The following PI4K2B variants were observed in gnomAD, a reference collection of about 807,000 sequenced individuals.
The protein encoded by PI4K2B is phosphatidylinositol 4-kinase type 2 beta, also known as phosphatidylinositol 4-kinase type 2-beta.
In PI4K2B, 46 loss-of-function variants were observed where a neutral mutation model predicts 56.6. The ratio of observed to expected loss-of-function variants is 0.81; its 90% CI spans 0.64 to 1.04. PI4K2B has a LOEUF of 1.04. PI4K2B is among the 50% of genes least tolerant of loss of function. The pLI is 0.00. For synonymous variants in PI4K2B, 211 were observed against 223.8 expected, an observed-to-expected ratio of 0.94 and a Z score of 0.51; for missense variants, 556 against 607.7, an observed-to-expected ratio of 0.91 and a Z score of 0.89.
Position 25,277,269 on chromosome 4 carries a change from A to C in PI4K2B, c.*82A>C. ...ATAGTAATATAAATCTGCTGTTAGG[A>C]GCTCCAGTTGCTAAAACCTCAATTT... is the stretch of plus-strand genomic sequence containing the variant. On this transcript the variant is annotated 3_prime_UTR_variant, in exon 10 of 10. Transcript: ENST00000264864. The C allele has an allele frequency of 7.1e-7, 1 of 1,417,740 alleles. No homozygotes were observed. Among genetic ancestry groups the C allele is most frequent in the Middle Eastern group, 1.9e-4 (1 of 5,206 alleles). 87.8% of individuals were successfully genotyped at this position (1,417,740 alleles called of 1,614,324 possible). A position where few individuals can be genotyped will look rare whatever the true frequency, so the allele number is the denominator to read the frequency against.
At chr4:25,240,685 A>G (rs1341467441) in intron 1 of PI4K2B, among the ~76,000 whole-genome samples, 1 of 152,054 alleles carries the variant, frequency 6.6e-6, no homozygotes, top group Non-Finnish European at 1.5e-5. Context: ...ACAGAAATTT[A>G]CCCTGGCTTT....
chr4:25,260,374 A>G (rs1269891569), intron 5 of PI4K2B, 150 bp from the exon 6 acceptor site: 1 of 286,820 alleles, frequency 3.5e-6, no homozygotes. Context: ...TTTTTTTTTT[A>G]GTTTCTTTGT....
chr4:25,248,753 T>G (rs1010607091), intron 1 of PI4K2B, among the ~76,000 whole-genome samples: 2 of 150,080 alleles, frequency 1.3e-5, no homozygotes, highest in Non-Finnish European at 3.0e-5. Context: ...ATAGTAAGAA[T>G]TCAGCCTCAA....
At chr4:25,275,184 G>T (rs1717050799) in intron 9 of PI4K2B, among the ~76,000 whole-genome samples, 1 of 152,064 alleles carries the variant, frequency 6.6e-6, no homozygotes, top group Admixed American at 6.5e-5. Context: ...TACTTAAATT[G>T]GTATATTTAG....
At chr4:25,250,192 A>G (rs932357325) in intron 1 of PI4K2B, among the ~76,000 whole-genome samples, 1 of 152,198 alleles carries the variant, frequency 6.6e-6, no homozygotes, top group East Asian at 1.9e-4. Flanking sequence ...TCGGCTCCGC[A>G]TCAGAGGGAG....
At chr4:25,250,352 C>T (rs186065007) in intron 1 of PI4K2B, among the ~76,000 whole-genome samples, 1 of 152,236 alleles carries the variant, frequency 6.6e-6, no homozygotes, top group East Asian at 1.9e-4. Context: ...GAACAGAAAA[C>T]CAAACAACCA....
chr4:25,276,746 G>C lies in PI4K2B; in HGVS notation c.1273-268G>C. The C allele has an allele frequency of 2.0e-6, 2 of 985,188 alleles. 1 individual carries two copies. Among genetic ancestry groups the C allele is most frequent in the Middle Eastern group, 1.0e-3 (2 of 1,914 alleles). The allele number at this position is 985,188 out of a possible 1,614,324, so 61.0% of individuals were successfully genotyped here. On this transcript the variant is annotated intron_variant, in intron 9 of 9. Coordinates refer to ENST00000264864, the MANE Select transcript of PI4K2B (RefSeq NM_018323.4). ...TTCCATTGCTCCTGGACATAGGCAGGATATTCTAGAATATTTTAAACTTAC... is the reference window on the plus strand; with the variant it reads ...TTCCATTGCTCCTGGACATAGGCAGCATATTCTAGAATATTTTAAACTTAC...
chr4:25,272,559 T>C (rs561853668), intron 9 of PI4K2B, among the ~76,000 whole-genome samples: 2 of 151,930 alleles, frequency 1.3e-5, no homozygotes, highest in African/African-American at 4.8e-5. Flanking sequence ...CCCAGCTACT[T>C]GGGAGGCTGA....
intron 1 of PI4K2B, among the ~76,000 whole-genome samples, chr4:25,237,359 T>C (rs1440292955): frequency 4.6e-5 from 7 of 152,090 alleles, no homozygotes; most frequent in African/African-American, 7.2e-5. Context: ...TTTTTTGTTT[T>C]TGGCAGTGGG....
chr4:25,254,355 A>G (rs1716175162), intron 2 of PI4K2B: 3 of 815,718 alleles, frequency 3.7e-6, no homozygotes, highest in South Asian at 5.7e-5. Flanking sequence ...GATAGTGAAT[A>G]ATAACACTGT....
At chr4:25,245,531 C>T (rs1385732507) in intron 1 of PI4K2B, among the ~76,000 whole-genome samples, 1 of 152,300 alleles carries the variant, frequency 6.6e-6, no homozygotes, top group African/African-American at 2.4e-5. Context: ...AAAGTGGAAG[C>T]TGGTTCTAGG....
At chr4:25,239,496 G>A (rs967417024) in intron 1 of PI4K2B, among the ~76,000 whole-genome samples, 18 of 60,222 alleles carry the variant, frequency 3.0e-4, no homozygotes, top group African/African-American at 4.4e-4. Flanking sequence ...TTCACTGCCC[G>A]GGGCCGGTGG....
chr4:25,265,198 C>CAAAAAAAAAAAAAAAAAAAAAAA (rs71188933), intron 7 of PI4K2B, among the ~76,000 whole-genome samples: 1 of 65,406 alleles, frequency 1.5e-5, no homozygotes, highest in Non-Finnish European at 2.6e-5. Flanking sequence ...TCTGTCTCAC[C>CAAAAAAAAAAAAAAAAAAAAAAA]AAAAAAAAAA....
At chr4:25,255,840 G>A (rs1174680508) in intron 3 of PI4K2B, among the ~76,000 whole-genome samples, 2 of 151,470 alleles carry the variant, frequency 1.3e-5, no homozygotes, top group Non-Finnish European at 2.9e-5. Context: ...ATCCTGCTGG[G>A]CTCAGGTGAT....
intron 9 of PI4K2B, 60 bp from the exon 10 acceptor site, chr4:25,276,954 G>A (rs1057373375): frequency 3.4e-6 from 5 of 1,467,050 alleles, no homozygotes; most frequent in Admixed American, 4.5e-5. Flanking sequence ...TTTAAAAAAT[G>A]TCAGTGAAGT....
intron 4 of PI4K2B, among the ~76,000 whole-genome samples, chr4:25,257,268 C>G (rs753899223): frequency 2.6e-5 from 4 of 151,948 alleles, no homozygotes; most frequent in Admixed American, 6.6e-5. Context: ...CACCATGTTG[C>G]CTAGGCTGGT....
intron 1 of PI4K2B, among the ~76,000 whole-genome samples, chr4:25,248,152 A>ATACTTCATACATACT (rs1209292982): frequency 3.3e-5 from 5 of 152,266 alleles, no homozygotes; most frequent in African/African-American, 9.6e-5. Context: ...GATAAGTTAC[A>ATACTTCATACATACT]TACTTCATAC....
At chr4:25,236,860 G>GT (rs1166734517) in intron 1 of PI4K2B, among the ~76,000 whole-genome samples, 6 of 152,114 alleles carry the variant, frequency 3.9e-5, no homozygotes, top group Non-Finnish European at 8.8e-5. Context: ...TGTGAAAACT[G>GT]TTTAAAAAAT....
intron 1 of PI4K2B, among the ~76,000 whole-genome samples, chr4:25,237,709 A>G (rs1715325677): frequency 1.3e-5 from 2 of 152,154 alleles, no homozygotes; most frequent in Non-Finnish European, 2.9e-5. Context: ...ATGGTGGCTT[A>G]CGCCTGTAAT....
Sources: allele counts gnomAD v4.1 joint callset (sites outside exome capture counted in the v4.1 genomes callset), GRCh38; gene constraint gnomAD v4.1.1; transcripts MANE v1.5; gene names NCBI Gene and HGNC (gene_info 2026-07-23, HGNC 2026-07-21).